The following HS6ST3 variants were observed in gnomAD, a reference collection of about 807,000 sequenced individuals.
HS6ST3 encodes heparan sulfate 6-O-sulfotransferase 3.
A neutral mutation model predicts 36.7 loss-of-function variants in HS6ST3; 12 were observed. That is an observed-to-expected ratio of 0.33 (90% confidence interval 0.21 to 0.53). The LOEUF (loss-of-function observed/expected upper bound fraction) is 0.53, where lower values mean the gene tolerates loss of function less well. Ranked by LOEUF, HS6ST3 falls within the 20% of genes least tolerant of loss-of-function variation. HS6ST3 has a pLI of 0.95. For missense variants in HS6ST3, 584 were observed against 640.9 expected, an observed-to-expected ratio of 0.91 and a Z score of 0.96; for synonymous variants, 240 against 257.5, an observed-to-expected ratio of 0.93 and a Z score of 0.65.
intron 1 of HS6ST3, among the ~76,000 whole-genome samples, chr13:96,732,973 G>A (rs1195638264): frequency 2.0e-5 from 3 of 152,002 alleles, no homozygotes; most frequent in Non-Finnish European, 2.9e-5. Flanking sequence ...TATTAATTTT[G>A]TATGTTGATT....
At chr13:96,728,646 T>C (rs1876065272) in intron 1 of HS6ST3, among the ~76,000 whole-genome samples, 1 of 152,194 alleles carries the variant, frequency 6.6e-6, no homozygotes, top group Admixed American at 6.5e-5. Flanking sequence ...CACATTCTCA[T>C]AGTATGACAA....
At chr13:96,439,807 A>C (rs1223571016) in intron 1 of HS6ST3, among the ~76,000 whole-genome samples, 1 of 152,236 alleles carries the variant, frequency 6.6e-6, no homozygotes, top group Non-Finnish European at 1.5e-5. Flanking sequence ...AAACAAGAAT[A>C]GAAGATTGTG....
chr13:96,546,008 G>A (rs2056196357), intron 1 of HS6ST3, among the ~76,000 whole-genome samples: 1 of 152,126 alleles, frequency 6.6e-6, no homozygotes, highest in South Asian at 2.1e-4. Context: ...TGAATTTGCA[G>A]TAAATCATAA....
intron 1 of HS6ST3, among the ~76,000 whole-genome samples, chr13:96,782,308 G>T (rs1352300320): frequency 6.6e-6 from 1 of 152,166 alleles, no homozygotes; most frequent in African/African-American, 2.4e-5. Flanking sequence ...TTTTCTCCTT[G>T]TTCTCCAAAA....
intron 1 of HS6ST3, among the ~76,000 whole-genome samples, chr13:96,724,072 GGC>G (rs1403603141): frequency 9.2e-5 from 14 of 152,016 alleles, no homozygotes; most frequent in Non-Finnish European, 1.5e-5. Context: ...CGTCCCAGCA[GGC>G]TCCTCAGCTT....
chr13:96,342,265 T>A (rs2055134690), intron 1 of HS6ST3, among the ~76,000 whole-genome samples: 1 of 152,240 alleles, frequency 6.6e-6, no homozygotes, highest in African/African-American at 2.4e-5. Flanking sequence ...TGTCAGTTTG[T>A]GTTTCTTTGC....
At chr13:96,362,422 T>C (rs1362321720) in intron 1 of HS6ST3, among the ~76,000 whole-genome samples, 1 of 152,170 alleles carries the variant, frequency 6.6e-6, no homozygotes, top group African/African-American at 2.4e-5. Flanking sequence ...CAAACTACTA[T>C]AACAAATCGA....
At chr13:96,767,134 C>A (rs553035123) in intron 1 of HS6ST3, among the ~76,000 whole-genome samples, 1 of 152,314 alleles carries the variant, frequency 6.6e-6, no homozygotes, top group East Asian at 1.9e-4. Flanking sequence ...ACATCAAAAT[C>A]CTATCCGTGA....
At chr13:96,343,396 T>G (rs2055139513) in intron 1 of HS6ST3, among the ~76,000 whole-genome samples, 1 of 152,184 alleles carries the variant, frequency 6.6e-6, no homozygotes, top group African/African-American at 2.4e-5. Context: ...CTGTGGCACC[T>G]TTTATCTTCA....
intron 1 of HS6ST3, among the ~76,000 whole-genome samples, chr13:96,433,279 C>T (rs375784336): frequency 6.6e-6 from 1 of 151,858 alleles, no homozygotes; most frequent in South Asian, 2.1e-4. Context: ...TGGGGTGAGC[C>T]CTAATCCAAA....
intron 1 of HS6ST3, among the ~76,000 whole-genome samples, chr13:96,551,527 G>T (rs1467876479): frequency 6.6e-6 from 1 of 152,114 alleles, no homozygotes; most frequent in Non-Finnish European, 1.5e-5. Context: ...CTTACTCTTG[G>T]GGGGTAGGTG....
chr13:96,731,613 G>C (rs988792289), intron 1 of HS6ST3, among the ~76,000 whole-genome samples: 4 of 151,824 alleles, frequency 2.6e-5, no homozygotes, highest in Non-Finnish European at 5.9e-5. Context: ...TATATGCCCA[G>C]TAGTACAGTT....
chr13:96,771,627 G>A (rs1019541041), intron 1 of HS6ST3, among the ~76,000 whole-genome samples: 12 of 152,106 alleles, frequency 7.9e-5, no homozygotes, highest in African/African-American at 2.4e-4. Flanking sequence ...ACAAATGTGC[G>A]TTATTTCCTC....
intron 1 of HS6ST3, among the ~76,000 whole-genome samples, chr13:96,605,861 A>C (rs1272578139): frequency 6.6e-6 from 1 of 151,434 alleles, no homozygotes; most frequent in Non-Finnish European, 1.5e-5. Context: ...TAGTATCTGG[A>C]ATCTGTAAGG....
intron 1 of HS6ST3, among the ~76,000 whole-genome samples, chr13:96,444,639 A>G (rs1020083929): frequency 6.6e-6 from 1 of 152,250 alleles, no homozygotes; most frequent in African/African-American, 2.4e-5. Flanking sequence ...TGGATTCAAT[A>G]TGATACAAAA....
At chr13:96,378,855 T>G (rs1347241749) in intron 1 of HS6ST3, among the ~76,000 whole-genome samples, 1 of 152,204 alleles carries the variant, frequency 6.6e-6, no homozygotes, top group Non-Finnish European at 1.5e-5. Context: ...GTATCCCTGC[T>G]GGGTTTCACA....
chr13:96,309,218 A>G (rs745807248), intron 1 of HS6ST3, among the ~76,000 whole-genome samples: 5 of 151,972 alleles, frequency 3.3e-5, no homozygotes, highest in African/African-American at 4.8e-5. Flanking sequence ...TTAGCCATAC[A>G]TTTTTGAAGA....
chr13:96,304,723 T>TC (rs1278260017), intron 1 of HS6ST3, among the ~76,000 whole-genome samples: 1,237 of 66,752 alleles, frequency 0.019, 4 homozygotes, highest in Middle Eastern at 0.034. Context: ...TTTTTTTTTT[T>TC]TTTTTTTTAC....
intron 1 of HS6ST3, among the ~76,000 whole-genome samples, chr13:96,271,211 G>A (rs1399009590): frequency 6.6e-6 from 1 of 151,856 alleles, no homozygotes; most frequent in Admixed American, 6.6e-5. Context: ...TGGAAAGAGA[G>A]GCTCAGTAGC....
Sources: gnomAD v4.1 joint callset for allele counts (sites outside exome capture counted in the v4.1 genomes callset) on GRCh38, gnomAD v4.1.1 for gene constraint, MANE v1.5 for transcripts, NCBI Gene and HGNC (gene_info 2026-07-23, HGNC 2026-07-21) for gene names.